Variants in DUSP22 observed in about 807,000 individuals in gnomAD.
The protein encoded by DUSP22 is dual specificity phosphatase 22.
A neutral mutation model predicts 24.5 loss-of-function variants in DUSP22; 24 were observed. That is an observed-to-expected ratio of 0.98 (90% confidence interval 0.71 to 1.38). DUSP22 has a LOEUF of 1.38. Ranked by LOEUF, DUSP22 falls within the 40% of genes most tolerant of loss-of-function variation. The probability of loss-of-function intolerance (pLI) is 0.00; values close to 1 mark genes in which losing one functional copy is unlikely to be tolerated. For synonymous variants in DUSP22, 160 were observed against 106.4 expected (o/e 1.50, Z -3.10); for missense variants, 330 against 269.2 (o/e 1.23, Z -1.58).
chr6:323,875 G>T (rs939656881), intron 3 of DUSP22, among the ~76,000 whole-genome samples: 6 of 152,300 alleles, frequency 3.9e-5, no homozygotes, highest in Non-Finnish European at 5.9e-5. Flanking sequence ...CAGGAGATCA[G>T]CCCCGCAGCA....
chr6:345,956 C>G (rs1272069719), intron 5 of DUSP22, 28 bp downstream of exon 5: 2 of 1,613,418 alleles, frequency 1.2e-6, no homozygotes, highest in Non-Finnish European at 1.7e-6. Context: ...TTAATAGCGC[C>G]TTAGCGTATT....
intron 1 of DUSP22, among the ~76,000 whole-genome samples, chr6:295,292 C>A (rs144892326): frequency 1.7e-3 from 265 of 152,338 alleles, no homozygotes; most frequent in African/African-American, 6.0e-3. Context: ...AAACAGTGCA[C>A]GCTGCATTCT....
intron 2 of DUSP22, among the ~76,000 whole-genome samples, chr6:309,121 A>G (rs1757953447): frequency 6.6e-6 from 1 of 152,306 alleles, no homozygotes; most frequent in Non-Finnish European, 1.5e-5. Context: ...ATTCTAAGCT[A>G]GCCTTGCTGG....
intron 3 of DUSP22, among the ~76,000 whole-genome samples, chr6:328,145 T>C (rs1265525312): frequency 1.3e-5 from 2 of 152,302 alleles, no homozygotes; most frequent in African/African-American, 2.4e-5. Flanking sequence ...TTTTTTGAGA[T>C]GGGTTGTTCA....
chr6:292,952 A>G (rs2127385611), intron 1 of DUSP22, among the ~76,000 whole-genome samples: 1 of 152,350 alleles, frequency 6.6e-6, no homozygotes, highest in East Asian at 1.9e-4. Flanking sequence ...CCCCCCCCAC[A>G]TCATTAGTAA....
intron 3 of DUSP22, among the ~76,000 whole-genome samples, chr6:332,067 C>A (rs1759165674): frequency 6.6e-6 from 1 of 152,302 alleles, no homozygotes; most frequent in Non-Finnish European, 1.5e-5. Context: ...ACTCATCTGG[C>A]AGTGTGATCT....
chr6:343,332 T>A (rs529637245), intron 4 of DUSP22, among the ~76,000 whole-genome samples: 104 of 146,454 alleles, frequency 7.1e-4, no homozygotes, highest in Middle Eastern at 3.4e-3. Context: ...ACCGGGTGCC[T>A]GCCCTCCTTG....
In DUSP22 at chr6:350,381, G is replaced by T; in HGVS notation, c.*1430G>T. On this transcript the variant is annotated 3_prime_UTR_variant, in exon 7 of 7. Coordinates refer to ENST00000419235, the MANE Select transcript of DUSP22 (RefSeq NM_001286555.3). ...ATACCGACTCAGATTCCTTAAGCAT[G>T]CAGAGTCACTCGAATGAAAAAACAT... 8 of 1,089,048 alleles carry T rather than the reference G, an allele frequency of 7.3e-6. No individual in the cohort carries two copies. The highest frequency in any genetic ancestry group is 9.0e-6 in the Non-Finnish European group (8 of 893,188). 67.5% of individuals were successfully genotyped at this position (1,089,048 alleles called of 1,614,324 possible).
chr6:327,418 A>T (rs1758931276), intron 3 of DUSP22, among the ~76,000 whole-genome samples: 1 of 152,308 alleles, frequency 6.6e-6, no homozygotes. Context: ...CAGTGCTGTC[A>T]GGGCGCATTG....
chr6:295,480 G>A (rs1233367617), intron 1 of DUSP22, among the ~76,000 whole-genome samples: 1 of 152,264 alleles, frequency 6.6e-6, no homozygotes, highest in Non-Finnish European at 1.5e-5. Flanking sequence ...TAAAGATGAG[G>A]AAATAAAGAC....
At chr6:320,769 G>T (rs61224340) in intron 3 of DUSP22, among the ~76,000 whole-genome samples, 2 of 152,218 alleles carry the variant, frequency 1.3e-5, no homozygotes, top group African/African-American at 4.8e-5. Flanking sequence ...GGTCAGGGAG[G>T]GGGAGATGAG....
chr6:315,342 C>T (rs1368998930), intron 3 of DUSP22, among the ~76,000 whole-genome samples: 5 of 152,290 alleles, frequency 3.3e-5, no homozygotes, highest in African/African-American at 1.2e-4. Context: ...TAGAGATCAG[C>T]AAGCCTAACT....
chr6:337,906 G>A (rs1174561138), intron 4 of DUSP22: 3 of 152,490 alleles, frequency 2.0e-5, no homozygotes, highest in African/African-American at 4.8e-5. Context: ...GGATGACAAA[G>A]AGTTACAAAG....
chr6:309,507 AT>A (rs1188050592), intron 2 of DUSP22, among the ~76,000 whole-genome samples: 2 of 152,422 alleles, frequency 1.3e-5, no homozygotes, highest in Admixed American at 1.3e-4. Flanking sequence ...GTATTTTAAT[AT>A]CACCTAAATT....
chr6:345,774 G>A, intron 4 of DUSP22, 80 bp from the exon 5 acceptor site: 1 of 1,525,364 alleles, frequency 6.6e-7, no homozygotes, highest in Non-Finnish European at 8.9e-7. Context: ...TTTTAAGAAA[G>A]AAGCCTCAGG....
At chr6:307,660 C>G (rs1374946736) in intron 2 of DUSP22, among the ~76,000 whole-genome samples, 1 of 152,310 alleles carries the variant, frequency 6.6e-6, no homozygotes, top group African/African-American at 2.4e-5. Flanking sequence ...TTCCTTACAA[C>G]TTGGCACCAG....
intron 3 of DUSP22, among the ~76,000 whole-genome samples, chr6:315,849 C>T (rs1312646819): frequency 2.0e-5 from 3 of 152,308 alleles, no homozygotes; most frequent in African/African-American, 7.2e-5. Context: ...CCAAGATCTT[C>T]CCTGGCAGAG....
chr6:347,958 G>C, intron 5 of DUSP22, 145 bp from the exon 6 acceptor site: 2 of 1,196,318 alleles, frequency 1.7e-6, no homozygotes, highest in Non-Finnish European at 2.4e-6. Flanking sequence ...GTGGCTTCCT[G>C]GTGGCGAGCT....
At position 348,846 on chromosome 6, in the gene DUSP22, A is replaced by G. The variant is rs776407002; in HGVS notation, c.513A>G (p.Lys171=). The change falls in exon 7 of 7, where the codon AAA becomes AAG. Residue 171 remains lysine (K), a synonymous_variant. Transcript: ENST00000419235. ...DAEEAKNILG[K]YKEQGRTEPQ... ...AAGAAGCCAAAAACATTCTGGGTAA[A>G]TATAAGGAGCAAGGGCGCACAGAGC... 2 of 1,614,306 alleles carry G rather than the reference A, an allele frequency of 1.2e-6. No individual in the cohort carries two copies. The highest frequency in any genetic ancestry group is 2.2e-5 in the South Asian group (2 of 91,088).
Sources: gnomAD v4.1 joint callset for allele counts (sites outside exome capture counted in the v4.1 genomes callset) on GRCh38, gnomAD v4.1.1 for gene constraint, MANE v1.5 for transcripts, NCBI Gene and HGNC (gene_info 2026-07-23, HGNC 2026-07-21) for gene names.